REV3L: variants seen among roughly 807,000 people sequenced by gnomAD.
The protein encoded by REV3L is DNA polymerase zeta catalytic subunit.
A neutral mutation model predicts 299.4 loss-of-function variants in REV3L; 69 were observed. That is an observed-to-expected ratio of 0.23 (90% CI 0.19 to 0.28). The LOEUF (loss-of-function observed/expected upper bound fraction) is 0.28. Among genes scored for constraint, REV3L ranks in the 10% least tolerant of loss-of-function variants. The probability of loss-of-function intolerance (pLI) is 1.00; values close to 1 mark genes in which losing one functional copy is unlikely to be tolerated. For missense variants in REV3L, 3,128 were observed against 3,693.8 expected, an observed-to-expected ratio of 0.85 and a Z score of 3.97; for synonymous variants, 1,238 against 1,271.4, an observed-to-expected ratio of 0.97 and a Z score of 0.56.
rs1771257739 is a variant in REV3L at position 111,299,634 on chromosome 6, A to G, written c.*382T>C. 6.4e-6 allele frequency: 1 copy of G among 155,810 alleles called. No individual in the cohort carries two copies. Among genetic ancestry groups the G allele is most frequent in the Non-Finnish European group, 1.4e-5 (1 of 70,258 alleles). The allele number at this position is 155,810 out of a possible 1,614,324, so 9.7% of individuals were successfully genotyped here. A position where few individuals can be genotyped will look rare whatever the true frequency, so the allele number is the denominator to read the frequency against. ...TAAAGTGAATGGATATCTCGAAGTA[A>G]CACGTCTTGATACAGACAGTTCAAG... On this transcript the variant is annotated 3_prime_UTR_variant, in exon 32 of 32. Coordinates refer to ENST00000368802, the MANE Select transcript of REV3L (RefSeq NM_001372078.1).
chr6:111,369,976 A>T (rs1374814353), intron 13 of REV3L, among the ~76,000 whole-genome samples: 1 of 151,576 alleles, frequency 6.6e-6, no homozygotes, highest in Non-Finnish European at 1.5e-5. Flanking sequence ...AGGATTACAG[A>T]CTCATGCCAC....
chr6:111,397,133 T>G (rs1330535665), intron 4 of REV3L, among the ~76,000 whole-genome samples: 1 of 152,002 alleles, frequency 6.6e-6, no homozygotes, highest in Non-Finnish European at 1.5e-5. Flanking sequence ...TACTCTGATC[T>G]TTATTATTTC....
chr6:111,466,063 C>A (rs1360023070), intron 1 of REV3L, among the ~76,000 whole-genome samples: 2 of 152,120 alleles, frequency 1.3e-5, no homozygotes, highest in African/African-American at 4.8e-5. Flanking sequence ...TTACAGCAGT[C>A]TGAGAGGGAA....
At position 111,367,623 on chromosome 6, in the gene REV3L, T is replaced by G; in HGVS notation, c.6165A>C (p.Val2055=). Residue 2055 remains valine, a synonymous_variant, in exon 14 of 32, where the codon GTA becomes GTC. Coordinates refer to ENST00000368802, the MANE Select transcript of REV3L (RefSeq NM_001372078.1). ...DKPVVPPKMD[V]SPCILPTTAH... The stretch of plus-strand genomic sequence containing the variant: ...CTGTAGTGGGGAGTATACATGGACT[T>G]ACATCCATTTTTGGAGGCACTACAG... 6.2e-7 allele frequency: 1 copy of G among 1,614,204 alleles called. No individual in the cohort carries two copies. Among genetic ancestry groups the G allele is most frequent in the Non-Finnish European group, 8.5e-7 (1 of 1,180,040 alleles).
chr6:111,317,260 G>C (rs1294617275), intron 26 of REV3L, among the ~76,000 whole-genome samples: 2 of 152,040 alleles, frequency 1.3e-5, no homozygotes, highest in African/African-American at 4.8e-5. Flanking sequence ...TTGCCTGACA[G>C]CCTAATATGA....
chr6:111,307,557 G>C lies in REV3L; in HGVS notation c.9056C>G (p.Thr3019Ser). The C allele has an allele frequency of 6.2e-7, 1 of 1,614,188 alleles. No individual in the cohort carries two copies. Among genetic ancestry groups the C allele is most frequent in the East Asian group, 2.2e-5 (1 of 44,882 alleles). ...TTCAGGTTCACTTCGCGAGGAGCTG[G>C]TAGCTTTATGGATCTATAAAAACAT... ...YHELPRIHKA[T>S]SSSRSEPEGR... The change falls in exon 31 of 32, where the codon ACC becomes AGC. Residue 3019 changes from threonine to serine, a missense_variant. This residue lies in a region of REV3L where 294 missense variants were observed against 377.0 expected (regional missense o/e 0.78). Coordinates refer to ENST00000368802, the MANE Select transcript of REV3L (RefSeq NM_001372078.1).
intron 31 of REV3L, among the ~76,000 whole-genome samples, chr6:111,305,854 GA>G (rs1772227584): frequency 6.6e-6 from 1 of 152,146 alleles, no homozygotes; most frequent in Non-Finnish European, 1.5e-5. Context: ...CATCAGGACA[GA>G]AGTCTATTAA....
In REV3L at chr6:111,375,439, G is replaced by C. The variant is rs1428008682; in HGVS notation, c.2916C>G (p.Pro972=). Residue 972 remains proline, a synonymous_variant, in exon 13 of 32, where the codon CCC becomes CCG. Transcript: ENST00000368802. ...TAATAATATACTTTATGATGACAGG[G>C]GGCAGCTTTTTAGACATTTTTCTTC... The part of the protein sequence containing the change: ...RKRRKMSKKL[P]PVIIKYIIIN... 13 of 1,600,206 alleles carry C rather than the reference G, an allele frequency of 8.1e-6. No individual in the cohort carries two copies. The highest frequency in any genetic ancestry group is 8.5e-6 in the Non-Finnish European group (10 of 1,176,086).
upstream of REV3L, chr6:111,483,440 C>G: frequency 2.3e-6 from 1 of 430,546 alleles, no homozygotes; most frequent in Non-Finnish European, 4.2e-6. Context: ...GATGACTCGG[C>G]TGGCGGGCAC....
chr6:111,341,551 A>AT, intron 21 of REV3L, among the ~76,000 whole-genome samples: 1 of 152,332 alleles, frequency 6.6e-6, no homozygotes, highest in South Asian at 2.1e-4. Flanking sequence ...ACAATTCAGT[A>AT]AGTACAGATT....
chr6:111,320,525 G>T (rs1774043595), intron 26 of REV3L, among the ~76,000 whole-genome samples: 1 of 152,132 alleles, frequency 6.6e-6, no homozygotes, highest in Admixed American at 6.5e-5. Flanking sequence ...TGTTGGGTAG[G>T]TCTGGGCACT....
At chr6:111,412,779 A>AAAC (rs1562272797) in intron 2 of REV3L, among the ~76,000 whole-genome samples, 1 of 151,582 alleles carries the variant, frequency 6.6e-6, no homozygotes, top group African/African-American at 2.4e-5. Context: ...AAAAAAAAAA[A>AAAC]AACAACTATT....
intron 4 of REV3L, among the ~76,000 whole-genome samples, chr6:111,396,679 C>T (rs1013781344): frequency 3.9e-5 from 6 of 151,974 alleles, no homozygotes; most frequent in African/African-American, 1.4e-4. Context: ...ACTTGTGATT[C>T]GTCTGCTCAG....
chr6:111,379,346 C>A (rs1158650517), intron 11 of REV3L, among the ~76,000 whole-genome samples: 1 of 152,196 alleles, frequency 6.6e-6, no homozygotes, highest in African/African-American at 2.4e-5. Context: ...AAGTTCTAAT[C>A]TAGCCTATAG....
chr6:111,382,349 C>T (rs1329686092), intron 9 of REV3L, among the ~76,000 whole-genome samples: 2 of 152,164 alleles, frequency 1.3e-5, no homozygotes, highest in Non-Finnish European at 2.9e-5. Flanking sequence ...GACAGCACCT[C>T]CCATCTCTCA....
intron 1 of REV3L, among the ~76,000 whole-genome samples, chr6:111,456,302 A>G (rs796599274): frequency 1.6e-4 from 24 of 152,318 alleles, no homozygotes; most frequent in African/African-American, 5.5e-4. Flanking sequence ...TGTCAACAGA[A>G]GCTTGACCCT....
chr6:111,471,711 G>C (rs541247423), intron 1 of REV3L, among the ~76,000 whole-genome samples: 2 of 152,316 alleles, frequency 1.3e-5, no homozygotes, highest in Non-Finnish European at 2.9e-5. Context: ...CTCAGCAACA[G>C]AAGGCAGTGG....
intron 1 of REV3L, among the ~76,000 whole-genome samples, chr6:111,458,351 C>T (rs2128323111): frequency 6.6e-6 from 1 of 152,228 alleles, no homozygotes; most frequent in South Asian, 2.1e-4. Context: ...AGCCTAGAAA[C>T]ATTCTCCTTG....
At chr6:111,444,267 A>C (rs1424319032) in intron 1 of REV3L, among the ~76,000 whole-genome samples, 1 of 152,232 alleles carries the variant, frequency 6.6e-6, no homozygotes, top group Non-Finnish European at 1.5e-5. Context: ...GATTTCCAAA[A>C]TCATACTGCC....
Sources: allele counts gnomAD v4.1 joint callset (sites outside exome capture counted in the v4.1 genomes callset), GRCh38; gene constraint gnomAD v4.1.1; regional missense constraint gnomAD v4.1.1; transcripts MANE v1.5; gene names NCBI Gene and HGNC (gene_info 2026-07-23, HGNC 2026-07-21).